GRID1: variants seen among roughly 807,000 people sequenced by gnomAD.
GRID1 encodes glutamate ionotropic receptor delta type subunit 1, also known as glutamate receptor ionotropic, delta-1.
Under a neutral mutation model 98.0 loss-of-function variants are expected in GRID1, and 28 were observed. The observed-to-expected ratio is 0.29, with a 90% CI of 0.21 to 0.39. The LOEUF is 0.39. Among genes scored for constraint, GRID1 ranks in the 10% least tolerant of loss-of-function variants. The pLI, the probability that GRID1 is intolerant of heterozygous loss-of-function variation, is 1.00. For missense variants in GRID1, 1,111 were observed against 1,340.5 expected (o/e 0.83, Z 2.67); for synonymous variants, 553 against 538.5 (o/e 1.03, Z -0.37).
chr10:86,087,154 TAC>T, intron 4 of GRID1, among the ~76,000 whole-genome samples: 1 of 152,348 alleles, frequency 6.6e-6, no homozygotes, highest in Non-Finnish European at 1.5e-5. Flanking sequence ...TACACACTTA[TAC>T]ACACTTCCCA....
intron 2 of GRID1, among the ~76,000 whole-genome samples, chr10:86,338,098 T>C (rs1215567432): frequency 4.6e-5 from 7 of 152,182 alleles, no homozygotes; most frequent in African/African-American, 1.2e-4. Flanking sequence ...CTGATAACAC[T>C]GATTGGCTCT....
chr10:85,953,352 T>C (rs933545144), intron 4 of GRID1, among the ~76,000 whole-genome samples: 3 of 152,032 alleles, frequency 2.0e-5, no homozygotes, highest in Non-Finnish European at 4.4e-5. Context: ...CAACACACAC[T>C]GGGGCCTATT....
chr10:85,964,272 T>C (rs192967146), intron 4 of GRID1, among the ~76,000 whole-genome samples: 97 of 152,148 alleles, frequency 6.4e-4, no homozygotes, highest in Non-Finnish European at 1.0e-3. Context: ...CTTCAAAGAA[T>C]TGGGAAAAAA....
intron 3 of GRID1, among the ~76,000 whole-genome samples, chr10:86,194,506 C>T (rs1299620225): frequency 6.6e-6 from 1 of 152,132 alleles, no homozygotes; most frequent in Non-Finnish European, 1.5e-5. Context: ...GGCCTTTACT[C>T]ACCTCAAGAG....
At chr10:86,197,977 A>G (rs935037341) in intron 3 of GRID1, among the ~76,000 whole-genome samples, 1 of 152,102 alleles carries the variant, frequency 6.6e-6, no homozygotes, top group African/African-American at 2.4e-5. Flanking sequence ...TATTACTTCA[A>G]TTTAAACTAA....
chr10:86,056,994 G>C (rs1843583239), intron 4 of GRID1, among the ~76,000 whole-genome samples: 1 of 152,234 alleles, frequency 6.6e-6, no homozygotes, highest in South Asian at 2.1e-4. Context: ...AGAACTCTTA[G>C]CGAAGGTGAA....
chr10:86,117,529 A>G (rs950750641), intron 4 of GRID1, among the ~76,000 whole-genome samples: 1 of 151,638 alleles, frequency 6.6e-6, no homozygotes, highest in Non-Finnish European at 1.5e-5. Flanking sequence ...TACCATCACT[A>G]TCACCACTAC....
chr10:86,047,052 C>A (rs1362446470), intron 4 of GRID1, among the ~76,000 whole-genome samples: 2 of 152,170 alleles, frequency 1.3e-5, no homozygotes, highest in Non-Finnish European at 2.9e-5. Flanking sequence ...GTTCTCTGAG[C>A]ATCAGAACAA....
intron 4 of GRID1, among the ~76,000 whole-genome samples, chr10:86,050,712 A>T (rs1197597894): frequency 6.6e-6 from 1 of 152,210 alleles, no homozygotes; most frequent in Non-Finnish European, 1.5e-5. Flanking sequence ...AAACATGGAA[A>T]GATACACCAA....
At chr10:85,989,117 G>A (rs190346452) in intron 4 of GRID1, among the ~76,000 whole-genome samples, 1 of 152,228 alleles carries the variant, frequency 6.6e-6, no homozygotes. Context: ...AGAGTTGCCT[G>A]CTACCTGGCA....
chr10:86,096,385 AC>A (rs2087001012), intron 4 of GRID1, among the ~76,000 whole-genome samples: 1 of 152,208 alleles, frequency 6.6e-6, no homozygotes, highest in Non-Finnish European at 1.5e-5. Context: ...ACAACCACAG[AC>A]TGTTCCAGCC....
chr10:86,050,833 G>A (rs1274531511), intron 4 of GRID1, among the ~76,000 whole-genome samples: 2 of 149,306 alleles, frequency 1.3e-5, no homozygotes, highest in Non-Finnish European at 3.0e-5. Context: ...TTGGGCACTA[G>A]ATGAGCTGAT....
intron 2 of GRID1, among the ~76,000 whole-genome samples, chr10:86,345,767 G>T (rs569311014): frequency 1.3e-5 from 2 of 152,032 alleles, no homozygotes; most frequent in African/African-American, 2.4e-5. Flanking sequence ...ATGCTCAGGG[G>T]TTCAGTCCTG....
intron 8 of GRID1, 144 bp downstream of exon 8, chr10:85,854,352 A>G: frequency 1.3e-6 from 1 of 755,570 alleles, no homozygotes; most frequent in Non-Finnish European, 2.2e-6. Flanking sequence ...AACACCAGCC[A>G]ATGGTAGCAT....
intron 13 of GRID1, among the ~76,000 whole-genome samples, chr10:85,634,333 A>G (rs1245976897): frequency 1.3e-5 from 2 of 150,878 alleles, no homozygotes; most frequent in Non-Finnish European, 2.9e-5. Context: ...ATTTCAAAAT[A>G]TAGGACCCAG....
intron 5 of GRID1, among the ~76,000 whole-genome samples, chr10:85,906,341 G>C (rs1053487617): frequency 6.6e-6 from 1 of 152,048 alleles, no homozygotes; most frequent in Admixed American, 6.5e-5. Flanking sequence ...ATAATTGATA[G>C]AAAAAGTAGA....
chr10:86,179,155 G>C (rs372132573), intron 3 of GRID1, among the ~76,000 whole-genome samples: 1 of 151,716 alleles, frequency 6.6e-6, no homozygotes, highest in Non-Finnish European at 1.5e-5. Context: ...CTAAGTTCCC[G>C]GGCCTCCACT....
At chr10:86,288,425 G>T (rs1847466089) in intron 2 of GRID1, among the ~76,000 whole-genome samples, 1 of 152,178 alleles carries the variant, frequency 6.6e-6, no homozygotes, top group Non-Finnish European at 1.5e-5. Flanking sequence ...TGTTCATTCA[G>T]CTTAATATGC....
chr10:86,207,919 C>T (rs1007208079), intron 2 of GRID1, among the ~76,000 whole-genome samples: 21 of 152,238 alleles, frequency 1.4e-4, no homozygotes, highest in Non-Finnish European at 2.6e-4. Context: ...CGTGAGCCAC[C>T]GCGCCCGGCC....
Sources: gnomAD v4.1 joint callset for allele counts (sites outside exome capture counted in the v4.1 genomes callset) on GRCh38, gnomAD v4.1.1 for gene constraint, MANE v1.5 for transcripts, NCBI Gene and HGNC (gene_info 2026-07-23, HGNC 2026-07-21) for gene names.